INPP4B: variants seen among roughly 807,000 people sequenced by gnomAD.
INPP4B encodes the protein inositol polyphosphate 4-phosphatase type II.
Under a neutral mutation model 122.5 loss-of-function variants are expected in INPP4B, and 55 were observed. That is an observed-to-expected ratio of 0.45 (90% confidence interval 0.36 to 0.56). The LOEUF is 0.56. INPP4B is among the 20% of genes least tolerant of loss of function. The pLI, the probability that INPP4B is intolerant of heterozygous loss-of-function variation, is 0.00. For missense variants in INPP4B, 1,000 were observed against 1,097.7 expected (o/e 0.91, Z 1.26); for synonymous variants, 403 against 388.7 (o/e 1.04, Z -0.43).
intron 7 of INPP4B, among the ~76,000 whole-genome samples, chr4:142,324,103 A>G (rs554582878): frequency 1.4e-4 from 22 of 152,260 alleles, no homozygotes; most frequent in African/African-American, 5.3e-4. Context: ...GAAAAAGAGG[A>G]GATACCAGAA....
At chr4:142,549,663 T>C (rs1352588819) in intron 2 of INPP4B, among the ~76,000 whole-genome samples, 1 of 152,080 alleles carries the variant, frequency 6.6e-6, no homozygotes, top group Non-Finnish European at 1.5e-5. Context: ...CCCTCAACTA[T>C]CCTATTTTAA....
intron 19 of INPP4B, 119 bp from the exon 20 acceptor site, chr4:142,123,534 T>C: frequency 1.1e-6 from 1 of 912,836 alleles, no homozygotes; most frequent in Non-Finnish European, 1.6e-6. Flanking sequence ...ATAACAAAAC[T>C]ACAACTATTT....
chr4:142,579,137 C>T (rs1198759944), intron 2 of INPP4B, among the ~76,000 whole-genome samples: 1 of 151,940 alleles, frequency 6.6e-6, no homozygotes, highest in Non-Finnish European at 1.5e-5. Context: ...TACTTTCATA[C>T]AGCCAACATT....
At chr4:142,292,189 A>G (rs1228839709) in intron 9 of INPP4B, among the ~76,000 whole-genome samples, 1 of 152,166 alleles carries the variant, frequency 6.6e-6, no homozygotes, top group Non-Finnish European at 1.5e-5. Flanking sequence ...GGCTTATAAA[A>G]CCACAATTTG....
intron 2 of INPP4B, among the ~76,000 whole-genome samples, chr4:142,596,687 C>T (rs1738786426): frequency 6.6e-6 from 1 of 152,164 alleles, no homozygotes; most frequent in Admixed American, 6.5e-5. Context: ...AACAATAAAG[C>T]CATTTGGGAT....
chr4:142,762,981 G>A (rs890018746), intron 1 of INPP4B, among the ~76,000 whole-genome samples: 2 of 152,098 alleles, frequency 1.3e-5, no homozygotes, highest in African/African-American at 2.4e-5. Flanking sequence ...GCAACAGGGC[G>A]CCATCTTGAA....
intron 2 of INPP4B, among the ~76,000 whole-genome samples, chr4:142,720,805 C>CTATATATATATATA (rs1486439869): frequency 3.8e-4 from 6 of 15,878 alleles, no homozygotes; most frequent in Admixed American, 1.5e-3. Flanking sequence ...CTCTCTCTCT[C>CTATATATATATATA]TCTCTATATA....
At chr4:142,547,468 C>T (rs1829770475) in intron 2 of INPP4B, among the ~76,000 whole-genome samples, 1 of 152,080 alleles carries the variant, frequency 6.6e-6, no homozygotes, top group Non-Finnish European at 1.5e-5. Flanking sequence ...CTCCAAAACC[C>T]TGCACTAATT....
Position 142,427,358 on chromosome 4 carries a change from T to C in INPP4B, c.136+1815A>G, listed in dbSNP as rs1808328555. On this transcript the variant is annotated intron_variant, in intron 5 of 25. Transcript: ENST00000262992. The stretch of plus-strand genomic sequence containing the variant: ...TTTGACAAGATAAAATTATCTGTTG[T>C]TGTTTCTTAGTATATTTTAAAAATA... 1.1e-5 allele frequency: 5 copies of C among 438,964 alleles called. No individual in the cohort carries two copies. In the South Asian group the frequency reaches 2.4e-4, roughly 21 times the overall value. 27.2% of individuals were successfully genotyped at this position (438,964 alleles called of 1,614,324 possible).
chr4:142,444,358 AG>A (rs1812455139), intron 3 of INPP4B, among the ~76,000 whole-genome samples: 1 of 152,204 alleles, frequency 6.6e-6, no homozygotes, highest in South Asian at 2.1e-4. Context: ...GGATATGAAC[AG>A]AGACTTCTCA....
intron 2 of INPP4B, among the ~76,000 whole-genome samples, chr4:142,664,782 A>G (rs1308599519): frequency 1.3e-5 from 2 of 152,212 alleles, no homozygotes; most frequent in South Asian, 2.1e-4. Flanking sequence ...AAAGTAAGAA[A>G]TTAAATTTTG....
chr4:142,040,857 C>A (rs1191386266), intron 25 of INPP4B, among the ~76,000 whole-genome samples: 1 of 152,138 alleles, frequency 6.6e-6, no homozygotes, highest in Non-Finnish European at 1.5e-5. Context: ...TTGTCATTCT[C>A]CTGGAGTCTG....
intron 25 of INPP4B, among the ~76,000 whole-genome samples, chr4:142,048,557 A>T (rs1485557935): frequency 3.3e-4 from 50 of 151,856 alleles, no homozygotes; most frequent in Admixed American, 3.3e-3. Context: ...AGGGTTTGTT[A>T]TGTTTGTGTG....
intron 7 of INPP4B, among the ~76,000 whole-genome samples, chr4:142,340,716 G>A (rs892580731): frequency 6.6e-6 from 1 of 152,098 alleles, no homozygotes; most frequent in Non-Finnish European, 1.5e-5. Flanking sequence ...ACCAGCCAGG[G>A]TCCTTCTCGT....
rs1833303773 is a variant in INPP4B at position 142,186,616 on chromosome 4, T to C, written c.1181+6471A>G. On this transcript the variant is annotated intron_variant, in intron 15 of 25. Coordinates refer to ENST00000262992, the MANE Select transcript of INPP4B (RefSeq NM_001101669.3). ...TGCAAAATAGATTAAACTGCTCAGA[T>C]TGGTTTATTTTAAAGAAGAGGACTA... 1.3e-5 allele frequency among the ~76,000 whole-genome samples: 2 copies of C among 152,204 alleles called. 1 individual carries two copies. Among genetic ancestry groups the C allele is most frequent in the South Asian group, 4.1e-4 (2 of 4,832 alleles).
intron 3 of INPP4B, among the ~76,000 whole-genome samples, chr4:142,438,988 T>C (rs1453672685): frequency 3.3e-5 from 5 of 152,178 alleles, no homozygotes; most frequent in African/African-American, 1.2e-4. Flanking sequence ...GTTAAACCTT[T>C]AGGGAATGCA....
intron 2 of INPP4B, among the ~76,000 whole-genome samples, chr4:142,467,260 G>C (rs572748493): frequency 7.9e-5 from 12 of 152,326 alleles, no homozygotes; most frequent in African/African-American, 2.9e-4. Context: ...CTCAATTCTA[G>C]CCTAGGAGAG....
intron 2 of INPP4B, among the ~76,000 whole-genome samples, chr4:142,537,953 A>C (rs1253049922): frequency 2.0e-5 from 3 of 152,152 alleles, no homozygotes; most frequent in South Asian, 4.1e-4. Context: ...GCTGGAGTTC[A>C]GGATGTAAAA....
chr4:142,110,108 G>A (rs943885607), intron 22 of INPP4B, among the ~76,000 whole-genome samples: 2 of 152,144 alleles, frequency 1.3e-5, no homozygotes, highest in Non-Finnish European at 2.9e-5. Flanking sequence ...AAATTCATAT[G>A]TGGAAGCCCT....
Sources: allele counts gnomAD v4.1 joint callset (sites outside exome capture counted in the v4.1 genomes callset), GRCh38; gene constraint gnomAD v4.1.1; transcripts MANE v1.5; gene names NCBI Gene and HGNC (gene_info 2026-07-23, HGNC 2026-07-21).